The following AGAP1 variants were observed in gnomAD, a reference collection of about 807,000 sequenced individuals.
AGAP1 encodes the protein arf-GAP with GTPase, ANK repeat and PH domain-containing protein 1.
Under a neutral mutation model 105.3 loss-of-function variants are expected in AGAP1, and 29 were observed. The observed-to-expected ratio is 0.28, with a 90% CI of 0.21 to 0.38. The LOEUF (loss-of-function observed/expected upper bound fraction) is 0.38, where lower values mean the gene tolerates loss of function less well. Ranked by LOEUF, AGAP1 falls within the 10% of genes least tolerant of loss-of-function variation. AGAP1 has a pLI of 1.00. For missense variants in AGAP1, 998 were observed against 1,165.1 expected (o/e 0.86, Z 2.09); for synonymous variants, 509 against 485.9 (o/e 1.05, Z -0.63).
intron 1 of AGAP1, among the ~76,000 whole-genome samples, chr2:235,522,558 A>G (rs1005483143): frequency 2.0e-5 from 3 of 152,130 alleles, no homozygotes; most frequent in African/African-American, 7.2e-5. Context: ...GAGGAAGGCC[A>G]GGTTTTTGGT....
intron 1 of AGAP1, among the ~76,000 whole-genome samples, chr2:235,698,789 G>A (rs1166133311): frequency 6.6e-6 from 1 of 152,196 alleles, no homozygotes; most frequent in African/African-American, 2.4e-5. Flanking sequence ...TATTGTAGCA[G>A]CTTGATGGTT....
chr2:235,718,573 C>T (rs1951232116), intron 3 of AGAP1, among the ~76,000 whole-genome samples: 1 of 152,124 alleles, frequency 6.6e-6, no homozygotes, highest in South Asian at 2.1e-4. Flanking sequence ...GTCTTTTTAG[C>T]AGTAGTCCCA....
Position 235,740,103 on chromosome 2 carries a change from C to T in AGAP1, c.311-860C>T, listed in dbSNP as rs867101763. On this transcript the variant is annotated intron_variant, in intron 3 of 17. Transcript: ENST00000304032. The surrounding 1 kb of genome is among the most constrained non-coding windows in gnomAD (Gnocchi z 5.7). ...TCAGAGCCCAGGATCTGGAGGGGGA[C>T]GTCTGTCATTGGAGAAGGCAGAGGA... is the stretch of plus-strand genomic sequence containing the variant. Among the ~76,000 whole-genome samples the T allele has an allele frequency of 2.0e-4, 31 of 152,092 alleles. No individual in the cohort carries two copies. The highest frequency in any genetic ancestry group is 5.8e-4 in the African/African-American group (24 of 41,428).
rs1945640869 is a variant in AGAP1 at position 235,599,061 on chromosome 2, GTATT to G, written c.163+104219_163+104222del. Among the ~76,000 whole-genome samples, 1 of 152,160 alleles carries G rather than the reference GTATT, an allele frequency of 6.6e-6. No individual in the cohort carries two copies. The highest frequency in any genetic ancestry group is 2.1e-4 in the South Asian group (1 of 4,832). On this transcript the variant is annotated intron_variant, in intron 1 of 17. Coordinates refer to ENST00000304032, the MANE Select transcript of AGAP1 (RefSeq NM_001037131.3). This position sits in a 1 kb window ranked among gnomAD's most constrained non-coding sequence, Gnocchi z 5.3. ...TGCTGTCCTCGGAGCAGGTAGGAAT[GTATT>G]TATTTACTCGCATGCCTTCAGATGC...
In AGAP1 at chr2:235,753,620, C is replaced by T. The variant is rs747752940; in HGVS notation, c.673+3132C>T. 4.7e-4 allele frequency among the ~76,000 whole-genome samples: 71 copies of T among 151,936 alleles called. 1 individual carries two copies. The highest frequency in any genetic ancestry group is 8.5e-4 in the Non-Finnish European group (58 of 67,988). On this transcript the variant is annotated intron_variant, in intron 6 of 17. Coordinates refer to ENST00000304032, the MANE Select transcript of AGAP1 (RefSeq NM_001037131.3). The surrounding 1 kb of genome is among the most constrained non-coding windows in gnomAD (Gnocchi z 4.5). ...ACTCAGGAAGCCAAGGCAGGAGAAT[C>T]GCTTGAACCTGGGAGGCGGAGGTTG...
chr2:236,119,402 C>T lies in AGAP1; in HGVS notation c.2115-790C>T, dbSNP rs926911255. Among the ~76,000 whole-genome samples, 11 of 152,230 alleles carry T rather than the reference C, an allele frequency of 7.2e-5. No individual in the cohort carries two copies. Among genetic ancestry groups the T allele is most frequent in the East Asian group, 1.9e-4 (1 of 5,194 alleles). The stretch of plus-strand genomic sequence containing the variant: ...AGATTCCAAAAGCTGCATCTCCCTG[C>T]TAAACCTCCTCATTGGAGTCTCCAC... On this transcript the variant is annotated intron_variant, in intron 16 of 17. Transcript: ENST00000304032. This position sits in a 1 kb window ranked among gnomAD's most constrained non-coding sequence, Gnocchi z 6.6.
chr2:235,567,741 G>C (rs1362417956), intron 1 of AGAP1, among the ~76,000 whole-genome samples: 3 of 151,706 alleles, frequency 2.0e-5, no homozygotes, highest in Non-Finnish European at 4.4e-5. Context: ...CGTGGCACTG[G>C]GGGGTGGGCA....
chr2:235,696,812 C>T (rs140411666), intron 1 of AGAP1, among the ~76,000 whole-genome samples: 2 of 152,124 alleles, frequency 1.3e-5, no homozygotes, highest in East Asian at 1.9e-4. Flanking sequence ...AGTGAAACCC[C>T]GTCTCTACTA....
chr2:235,993,534 G>C lies in AGAP1; in HGVS notation c.1645+24911G>C, dbSNP rs2125464516. On this transcript the variant is annotated intron_variant, in intron 13 of 17. Coordinates refer to ENST00000304032, the MANE Select transcript of AGAP1 (RefSeq NM_001037131.3). The surrounding 1 kb of genome is among the most constrained non-coding windows in gnomAD (Gnocchi z 5.0). ...TGGATTTGCGATGTATTTCTTTTCT[G>C]CAAGTATGGTTTTGTGTGATAGAAA... Among the ~76,000 whole-genome samples the C allele has an allele frequency of 6.6e-6, 1 of 152,306 alleles. No individual in the cohort carries two copies. The highest frequency in any genetic ancestry group is 3.4e-3 in the Middle Eastern group (1 of 294).
chr2:235,730,085 T>G (rs1156476520), intron 3 of AGAP1, among the ~76,000 whole-genome samples: 1 of 152,122 alleles, frequency 6.6e-6, no homozygotes, highest in Admixed American at 6.5e-5. Flanking sequence ...TTATTTACAT[T>G]CAGAGAATTA....
rs372883325 is a variant in AGAP1 at position 235,936,692 on chromosome 2, G to A, written c.1483+5769G>A. Among the ~76,000 whole-genome samples the A allele has an allele frequency of 7.9e-5, 12 of 152,026 alleles. No individual in the cohort carries two copies. The highest frequency in any genetic ancestry group is 1.5e-4 in the Non-Finnish European group (10 of 68,012). On this transcript the variant is annotated intron_variant, in intron 12 of 17. Transcript: ENST00000304032. The surrounding 1 kb of genome is among the most constrained non-coding windows in gnomAD (Gnocchi z 4.7). ...CAGGCGGCGGTAATGTGATACTGCC[G>A]GTCTCTGACCTGGAAGCTTCTTTGA...
At chr2:235,869,557 C>T (rs534236155) in intron 9 of AGAP1, among the ~76,000 whole-genome samples, 33 of 151,982 alleles carry the variant, frequency 2.2e-4, no homozygotes, top group African/African-American at 6.0e-4. Context: ...GCCAAGATCG[C>T]GCCACTGCAC....
Position 235,556,139 on chromosome 2 carries a change from T to C in AGAP1, c.163+61290T>C, listed in dbSNP as rs1034334760. Among the ~76,000 whole-genome samples, 3 of 152,164 alleles carry C rather than the reference T, an allele frequency of 2.0e-5. No homozygotes were observed. Among genetic ancestry groups the C allele is most frequent in the Admixed American group, 1.3e-4 (2 of 15,286 alleles). ...CTGAGACCTGAAGAAGGGTTGTGCATGTGGGAGGGAGCCAGCCTGGTGGAC... is the reference window on the plus strand; with the variant it reads ...CTGAGACCTGAAGAAGGGTTGTGCACGTGGGAGGGAGCCAGCCTGGTGGAC... On this transcript the variant is annotated intron_variant, in intron 1 of 17. Coordinates refer to ENST00000304032, the MANE Select transcript of AGAP1 (RefSeq NM_001037131.3). The surrounding 1 kb of genome is among the most constrained non-coding windows in gnomAD (Gnocchi z 5.3).
At chr2:235,794,477 A>T (rs983506240) in intron 6 of AGAP1, among the ~76,000 whole-genome samples, 9 of 152,058 alleles carry the variant, frequency 5.9e-5, no homozygotes, top group Admixed American at 1.3e-4. Flanking sequence ...TTTTTAAATT[A>T]AATTTAATTT....
At position 235,729,247 on chromosome 2, in the gene AGAP1, G is replaced by A. The variant is rs1269332963; in HGVS notation, c.310+11603G>A. ...GTGTGCCCCTTGAGGAGCCGCATCC[G>A]CTTATTGGGCCTAAGAAAAACTGAT... is the stretch of plus-strand genomic sequence containing the variant. On this transcript the variant is annotated intron_variant, in intron 3 of 17. Transcript: ENST00000304032. The surrounding 1 kb of genome is among the most constrained non-coding windows in gnomAD (Gnocchi z 5.0). 6.6e-6 allele frequency among the ~76,000 whole-genome samples: 1 copy of A among 152,156 alleles called. No homozygotes were observed. The highest frequency in any genetic ancestry group is 1.5e-5 in the Non-Finnish European group (1 of 68,040).
intron 6 of AGAP1, chr2:235,773,757 G>C (rs1400521515): frequency 8.2e-6 from 3 of 366,758 alleles, no homozygotes; most frequent in African/African-American, 2.1e-5. Flanking sequence ...TCCTGAGATG[G>C]GGGCTGGTTT....
At chr2:235,980,321 G>A (rs2055038991) in intron 13 of AGAP1, among the ~76,000 whole-genome samples, 2 of 152,292 alleles carry the variant, frequency 1.3e-5, no homozygotes, top group Admixed American at 1.3e-4. Context: ...CCCAGGATAA[G>A]TGCTTTTTAG....
intron 6 of AGAP1, among the ~76,000 whole-genome samples, chr2:235,763,963 A>C (rs1444673061): frequency 6.6e-6 from 1 of 152,192 alleles, no homozygotes; most frequent in Non-Finnish European, 1.5e-5. Flanking sequence ...TGCTGACAGC[A>C]CAGAGCACTG....
chr2:235,751,174 C>T lies in AGAP1; in HGVS notation c.673+686C>T, dbSNP rs186127730. On this transcript the variant is annotated intron_variant, in intron 6 of 17. Transcript: ENST00000304032. The surrounding 1 kb of genome is among the most constrained non-coding windows in gnomAD (Gnocchi z 5.3). ...TATGAGAGAGGAGCCTGTGCAGATG[C>T]GTGGGGTGGGCGGGAGAGGTGGCGT... is the stretch of plus-strand genomic sequence containing the variant. 1.8e-3 allele frequency among the ~76,000 whole-genome samples: 276 copies of T among 149,676 alleles called. 9 individuals carry two copies. The highest frequency in any genetic ancestry group is 0.014 in the Middle Eastern group (4 of 292).
Sources: allele counts gnomAD v4.1 joint callset (sites outside exome capture counted in the v4.1 genomes callset), GRCh38; gene constraint gnomAD v4.1.1; non-coding constraint Gnocchi (gnomAD v3.1); transcripts MANE v1.5; gene names NCBI Gene and HGNC (gene_info 2026-07-23, HGNC 2026-07-21).